CCNK: variants seen among roughly 807,000 people sequenced by gnomAD.
CCNK encodes cyclin-K.
Under a neutral mutation model 65.0 loss-of-function variants are expected in CCNK, and 9 were observed. That is an observed-to-expected ratio of 0.14 (90% CI 0.08 to 0.24). The LOEUF (loss-of-function observed/expected upper bound fraction) is 0.24. Ranked by LOEUF, CCNK falls within the 10% of genes least tolerant of loss-of-function variation. CCNK has a pLI of 1.00. For synonymous variants in CCNK, 279 were observed against 270.8 expected (o/e 1.03, Z -0.30); for missense variants, 474 against 720.0 (o/e 0.66, Z 3.91).
Position 99,502,950 on chromosome 14 carries a change from A to G in CCNK, c.977A>G (p.Gln326Arg). The G allele has an allele frequency of 6.2e-7, 1 of 1,613,940 alleles. No homozygotes were observed. The highest frequency in any genetic ancestry group is 8.5e-7 in the Non-Finnish European group (1 of 1,179,880). Reference sequence around the variant, plus strand: ...CAACAGCCCAAGAAACCCTCTCCGCAGCCCAGTTCTCCCCGACAGGTTAAG... The same window carrying G: ...CAACAGCCCAAGAAACCCTCTCCGCGGCCCAGTTCTCCCCGACAGGTTAAG... ...PAQQPKKPSP[Q>R]PSSPRQVKRA... The change falls in exon 8 of 11, where the codon CAG becomes CGG. Residue 326 changes from glutamine (Q) to arginine (R), a missense_variant. Physicochemically the swap from Gln to Arg is conservative, Grantham distance 43. Coordinates refer to ENST00000389879, the MANE Select transcript of CCNK (RefSeq NM_001099402.2).
At chr14:99,491,277 A>T (rs888748208) in intron 1 of CCNK, among the ~76,000 whole-genome samples, 3 of 152,232 alleles carry the variant, frequency 2.0e-5, no homozygotes, top group Non-Finnish European at 4.4e-5. Flanking sequence ...CCTGGGTCAA[A>T]GAGCAAATGC....
At chr14:99,492,450 G>A in intron 1 of CCNK, 176 bp from the exon 2 acceptor site, 1 of 494,268 alleles carries the variant, frequency 2.0e-6, no homozygotes, top group Non-Finnish European at 3.5e-6. Flanking sequence ...TTAGTACTGG[G>A]GTCATCTTAC....
chr14:99,492,484 G>C (rs1400620229), intron 1 of CCNK, 142 bp from the exon 2 acceptor site: 1 of 558,828 alleles, frequency 1.8e-6, no homozygotes, highest in African/African-American at 1.9e-5. Context: ...ATTGGCTCTG[G>C]AGTTAGCCCG....
intron 1 of CCNK, among the ~76,000 whole-genome samples, chr14:99,485,197 G>A (rs778487776): frequency 6.6e-6 from 1 of 152,164 alleles, no homozygotes; most frequent in Non-Finnish European, 1.5e-5. Flanking sequence ...AACCTAAAGG[G>A]ACCAGGAGTT....
chr14:99,506,038 A>T (rs941547), intron 9 of CCNK: 140,551 of 152,242 alleles, frequency 0.92, 65,921 homozygotes, highest in East Asian at 1. Flanking sequence ...CAAAAGGTAG[A>T]GTGTGAGGTG....
rs774037304 is a variant in CCNK at position 99,481,800 on chromosome 14, GCA to G, written c.-53+324_-53+325del. 5.3e-5 allele frequency among the ~76,000 whole-genome samples: 8 copies of G among 152,198 alleles called. No individual in the cohort carries two copies. The East Asian group carries it at 5.8e-4, about 11-fold the overall frequency. On this transcript the variant is annotated intron_variant, in intron 1 of 10. Coordinates refer to ENST00000389879, the MANE Select transcript of CCNK (RefSeq NM_001099402.2). ...CAAAAGGGGCAGCGGTGTTAACCGCGCACAGTCTCACAGCCACAGACTTCTCA... is the reference window on the plus strand; with the variant it reads ...CAAAAGGGGCAGCGGTGTTAACCGCGCAGTCTCACAGCCACAGACTTCTCA...
At chr14:99,490,890 TG>T (rs751778287) in intron 1 of CCNK, among the ~76,000 whole-genome samples, 2 of 147,602 alleles carry the variant, frequency 1.4e-5, no homozygotes, top group Non-Finnish European at 3.0e-5. Context: ...ATCATGCCAC[TG>T]GCACTCCAGC....
chr14:99,499,071 C>G (rs1235177411), intron 4 of CCNK, among the ~76,000 whole-genome samples: 1 of 152,236 alleles, frequency 6.6e-6, no homozygotes, highest in Non-Finnish European at 1.5e-5. Context: ...TGGAGTCTCA[C>G]TCTTGTTACT....
chr14:99,481,955 C>T (rs772832999), intron 1 of CCNK, among the ~76,000 whole-genome samples: 6 of 152,204 alleles, frequency 3.9e-5, no homozygotes, highest in Non-Finnish European at 7.3e-5. Flanking sequence ...GAGGGTGCGG[C>T]TAAGATGAGG....
intron 1 of CCNK, among the ~76,000 whole-genome samples, chr14:99,491,460 G>A (rs1595307133): frequency 6.6e-6 from 1 of 152,328 alleles, no homozygotes; most frequent in Middle Eastern, 3.4e-3. Context: ...TCAGTGTGAT[G>A]TCTGATTATG....
chr14:99,504,311 A>G (rs1454032882), intron 9 of CCNK: 1 of 155,032 alleles, frequency 6.5e-6, no homozygotes, highest in African/African-American at 2.4e-5. Context: ...TCTTAGTTCC[A>G]GTAGTTCCTG....
chr14:99,503,183 A>AG, intron 8 of CCNK, 199 bp downstream of exon 8: 1 of 721,462 alleles, frequency 1.4e-6, no homozygotes, highest in South Asian at 1.5e-5. Flanking sequence ...GAGAACCAGG[A>AG]GGGGGCTCTC....
intron 4 of CCNK, among the ~76,000 whole-genome samples, chr14:99,497,309 A>T (rs1322515730): frequency 6.6e-6 from 1 of 152,132 alleles, no homozygotes; most frequent in Non-Finnish European, 1.5e-5. Flanking sequence ...TAGTTTCACC[A>T]TTTCCAGAAT....
intron 3 of CCNK, 45 bp downstream of exon 3, chr14:99,493,640 T>C (rs1264520704): frequency 1.5e-6 from 2 of 1,302,588 alleles, no homozygotes; most frequent in African/African-American, 2.9e-5. Flanking sequence ...TATGTTATTA[T>C]TTCCACACAG....
Position 99,511,013 on chromosome 14 carries a change from C to A in CCNK, c.*231C>A. 2.7e-6 allele frequency: 1 copy of A among 366,438 alleles called. No individual in the cohort carries two copies. Among genetic ancestry groups the A allele is most frequent in the Non-Finnish European group, 4.8e-6 (1 of 206,280 alleles). 22.7% of individuals were successfully genotyped at this position (366,438 alleles called of 1,614,324 possible). A position where few individuals can be genotyped will look rare whatever the true frequency, so the allele number is the denominator to read the frequency against. On this transcript the variant is annotated 3_prime_UTR_variant, in exon 11 of 11. Coordinates refer to ENST00000389879, the MANE Select transcript of CCNK (RefSeq NM_001099402.2). ...TGCCCTTGCAGTCTGACTGTGTACA[C>A]TTGGTTCAGCTAATGTCTGAGAGTC...
intron 2 of CCNK, 104 bp downstream of exon 2, chr14:99,492,978 G>A: frequency 1.0e-6 from 1 of 953,552 alleles, no homozygotes; most frequent in Non-Finnish European, 1.5e-6. Context: ...CTCTGTACCA[G>A]AGCAGTTCTT....
intron 4 of CCNK, 45 bp downstream of exon 4, chr14:99,495,674 T>C (rs1193672034): frequency 1.3e-6 from 2 of 1,566,916 alleles, no homozygotes; most frequent in South Asian, 1.2e-5. Flanking sequence ...TGATTCCTTA[T>C]GGTAGTATTG....
intron 2 of CCNK, chr14:99,493,157 C>T (rs1208668926): frequency 4.5e-6 from 2 of 446,940 alleles, no homozygotes; most frequent in Non-Finnish European, 7.8e-6. Context: ...AATCCCAGCA[C>T]TTTGGGAGGC....
chr14:99,501,469 A>G, intron 6 of CCNK, 56 bp downstream of exon 6: 6 of 1,167,168 alleles, frequency 5.1e-6, no homozygotes, highest in Non-Finnish European at 7.7e-6. Context: ...CAGAGACTTT[A>G]TGGACCATTT....
Sources: gnomAD v4.1 joint callset for allele counts (sites outside exome capture counted in the v4.1 genomes callset) on GRCh38, gnomAD v4.1.1 for gene constraint, MANE v1.5 for transcripts, NCBI Gene and HGNC (gene_info 2026-07-23, HGNC 2026-07-21) for gene names.